The following ZNF536 variants were observed in gnomAD, a reference collection of about 807,000 sequenced individuals.
The protein encoded by ZNF536 is zinc finger protein 536.
In ZNF536, 13 loss-of-function variants were observed where a neutral mutation model predicts 84.5. The observed-to-expected ratio is 0.15, with a 90% CI of 0.10 to 0.24. ZNF536 has a LOEUF of 0.24. Ranked by LOEUF, ZNF536 falls within the 10% of genes least tolerant of loss-of-function variation. The probability of loss-of-function intolerance (pLI) is 1.00; values close to 1 mark genes in which losing one functional copy is unlikely to be tolerated. For synonymous variants in ZNF536, 811 were observed against 742.5 expected (o/e 1.09, Z -1.50); for missense variants, 1,536 against 1,747.5 (o/e 0.88, Z 2.16).
intron 1 of ZNF536, among the ~76,000 whole-genome samples, chr19:30,685,878 C>G (rs1400223335): frequency 6.6e-6 from 1 of 152,176 alleles, no homozygotes; most frequent in Non-Finnish European, 1.5e-5. Context: ...ATTTGTTTTT[C>G]TTTGTTCGGA....
intron 1 of ZNF536, among the ~76,000 whole-genome samples, chr19:30,245,699 G>C (rs1168346355): frequency 6.6e-6 from 1 of 152,218 alleles, no homozygotes; most frequent in East Asian, 1.9e-4. Flanking sequence ...TTGCCAAGTT[G>C]TTCTCCCTTT....
At chr19:30,355,590 A>T (rs2048068603) in intron 3 of ZNF536, among the ~76,000 whole-genome samples, 1 of 151,618 alleles carries the variant, frequency 6.6e-6, no homozygotes, top group East Asian at 1.9e-4. Flanking sequence ...TGGTTTTGCC[A>T]TTTTTCCCAG....
intron 1 of ZNF536, among the ~76,000 whole-genome samples, chr19:30,694,703 G>GA (rs768788519): frequency 6.6e-6 from 1 of 152,120 alleles, no homozygotes; most frequent in Non-Finnish European, 1.5e-5. Flanking sequence ...AGTGTTGGGG[G>GA]AAAAAAATAT....
rs2146250160 is a variant in ZNF536 at position 30,549,318 on chromosome 19, G to C, written c.3699G>C (p.Trp1233Cys). ...TATCCCAAGCACCGGAGAAGCAGTGGCACAGCCAGGGTCTTCTCCAAGCCC... is the reference window on the plus strand; with the variant it reads ...TATCCCAAGCACCGGAGAAGCAGTGCCACAGCCAGGGTCTTCTCCAAGCCC... ...SPLSQAPEKQ[W>C]HSQGLLQAQD... Residue 1233 changes from tryptophan to cysteine, a missense_variant, in exon 4 of 5, where the codon TGG (tryptophan) becomes TGC (cysteine). Physicochemically the swap from Trp to Cys is radical, Grantham distance 215. Around this residue, in one of 8 missense-constraint regions of ZNF536, gnomAD observed 624 missense variants for 603.1 expected, o/e 1.03. Transcript: ENST00000355537. The C allele has an allele frequency of 6.2e-7, 1 of 1,611,790 alleles. No individual in the cohort carries two copies. The highest frequency in any genetic ancestry group is 8.5e-7 in the Non-Finnish European group (1 of 1,178,844).
intron 1 of ZNF536, among the ~76,000 whole-genome samples, chr19:30,670,186 C>T: frequency 6.6e-6 from 1 of 152,214 alleles, no homozygotes; most frequent in Admixed American, 6.5e-5. Context: ...ATTCCTGAGG[C>T]TCCTCTCTCC....
chr19:30,450,041 G>GA (rs200453520), intron 2 of ZNF536, among the ~76,000 whole-genome samples: 3,640 of 106,560 alleles, frequency 0.034, 75 homozygotes, highest in Non-Finnish European at 0.054. Flanking sequence ...AAAAGAAAAA[G>GA]AAAAAAAATT....
At chr19:30,679,850 AG>A (rs1041160150) in intron 1 of ZNF536, among the ~76,000 whole-genome samples, 4 of 151,910 alleles carry the variant, frequency 2.6e-5, no homozygotes, top group Admixed American at 6.6e-5. Flanking sequence ...TTGCGGGGAG[AG>A]GGGGGTCAGC....
At chr19:30,598,445 G>A (rs537846361) in intron 1 of ZNF536, among the ~76,000 whole-genome samples, 3 of 152,278 alleles carry the variant, frequency 2.0e-5, no homozygotes, top group African/African-American at 7.2e-5. Context: ...AATTTTGAAA[G>A]CGCCTCTATA....
chr19:30,421,617 C>A (rs1224781472), intron 1 of ZNF536, among the ~76,000 whole-genome samples: 2 of 152,226 alleles, frequency 1.3e-5, no homozygotes, highest in Non-Finnish European at 2.9e-5. Context: ...CCCACCTCAG[C>A]CTCCCAAAGT....
At chr19:30,614,792 A>G (rs938161437) in intron 1 of ZNF536, among the ~76,000 whole-genome samples, 1 of 151,184 alleles carries the variant, frequency 6.6e-6, no homozygotes, top group Non-Finnish European at 1.5e-5. Context: ...CCGGTTTGCC[A>G]TATGCCTTTT....
intron 1 of ZNF536, among the ~76,000 whole-genome samples, chr19:30,601,831 G>T (rs1366598408): frequency 6.6e-6 from 1 of 152,238 alleles, no homozygotes; most frequent in African/African-American, 2.4e-5. Flanking sequence ...TGATGCTGAA[G>T]GGTGTGGTGG....
intron 1 of ZNF536, among the ~76,000 whole-genome samples, chr19:30,702,003 C>T (rs530241546): frequency 1.3e-5 from 2 of 152,318 alleles, no homozygotes; most frequent in South Asian, 2.1e-4. Flanking sequence ...CTCTCTTACC[C>T]TCTGTCCCAC....
chr19:30,467,366 G>A (rs932417004), intron 2 of ZNF536, among the ~76,000 whole-genome samples: 12 of 152,292 alleles, frequency 7.9e-5, no homozygotes, highest in African/African-American at 2.6e-4. Flanking sequence ...GAATCACACA[G>A]TAATTGTCCT....
chr19:30,338,385 G>A (rs1026082686), intron 2 of ZNF536, among the ~76,000 whole-genome samples: 1 of 151,962 alleles, frequency 6.6e-6, no homozygotes, highest in African/African-American at 2.4e-5. Flanking sequence ...TAATGGTGGT[G>A]ATGATGGTGG....
chr19:30,676,493 G>C (rs148950844), intron 1 of ZNF536, among the ~76,000 whole-genome samples: 1 of 152,294 alleles, frequency 6.6e-6, no homozygotes, highest in African/African-American at 2.4e-5. Flanking sequence ...TAACTCCCTT[G>C]TTGTTGGGGA....
At chr19:30,401,548 T>C (rs2050046765) in intron 1 of ZNF536, among the ~76,000 whole-genome samples, 1 of 152,262 alleles carries the variant, frequency 6.6e-6, no homozygotes, top group South Asian at 2.1e-4. Context: ...CTGTTTTGGG[T>C]CTCTTTTCAT....
chr19:30,436,475 A>G (rs1037930440), intron 1 of ZNF536: 227 of 950,618 alleles, frequency 2.4e-4, no homozygotes, highest in Non-Finnish European at 2.7e-4. Context: ...AAGAGATCAA[A>G]AAAAAAAAAT....
At chr19:30,669,717 A>G (rs1463872406) in intron 1 of ZNF536, among the ~76,000 whole-genome samples, 1 of 152,238 alleles carries the variant, frequency 6.6e-6, no homozygotes, top group Non-Finnish European at 1.5e-5. Context: ...GCACCAACTG[A>G]CAAACACCCA....
At chr19:30,261,297 C>CAAAAAAA (rs66862950) in intron 1 of ZNF536, among the ~76,000 whole-genome samples, 7 of 23,568 alleles carry the variant, frequency 3.0e-4, no homozygotes, top group African/African-American at 4.5e-4. Context: ...GACTCCGTCT[C>CAAAAAAA]AAAAAAAAAA....
Sources: allele counts gnomAD v4.1 joint callset (sites outside exome capture counted in the v4.1 genomes callset), GRCh38; gene constraint gnomAD v4.1.1; regional missense constraint gnomAD v4.1.1; transcripts MANE v1.5; gene names NCBI Gene and HGNC (gene_info 2026-07-23, HGNC 2026-07-21).